Variants in TMTC2 observed in about 807,000 individuals in gnomAD.
TMTC2 encodes protein O-mannosyl-transferase TMTC2.
Under a neutral mutation model 82.4 loss-of-function variants are expected in TMTC2, and 43 were observed. The ratio of observed to expected loss-of-function variants is 0.52; its 90% CI spans 0.41 to 0.67. The LOEUF (loss-of-function observed/expected upper bound fraction) is 0.67. Among genes scored for constraint, TMTC2 ranks in the 30% least tolerant of loss-of-function variants. The pLI, the probability that TMTC2 is intolerant of heterozygous loss-of-function variation, is 0.00. For missense variants in TMTC2, 919 were observed against 1,012.4 expected (o/e 0.91, Z 1.25); for synonymous variants, 408 against 381.9 (o/e 1.07, Z -0.80).
chr12:82,932,617 TG>T (rs1406201249), intron 4 of TMTC2, among the ~76,000 whole-genome samples: 1 of 152,208 alleles, frequency 6.6e-6, no homozygotes, highest in Non-Finnish European at 1.5e-5. Context: ...ATGAGTTTAA[TG>T]TATTCACACA....
At chr12:83,026,339 T>C (rs1213837791) in intron 8 of TMTC2, among the ~76,000 whole-genome samples, 1 of 152,186 alleles carries the variant, frequency 6.6e-6, no homozygotes, top group Admixed American at 6.6e-5. Context: ...GAACTGGGGA[T>C]GAAGACCAAA....
At chr12:83,051,304 T>C (rs577068707) in intron 10 of TMTC2, among the ~76,000 whole-genome samples, 1 of 152,254 alleles carries the variant, frequency 6.6e-6, no homozygotes, top group Admixed American at 6.5e-5. Flanking sequence ...TTCTTTCTTT[T>C]TTTTTTAAGC....
chr12:83,078,277 G>C (rs972039432), intron 11 of TMTC2, among the ~76,000 whole-genome samples: 1 of 152,124 alleles, frequency 6.6e-6, no homozygotes, highest in Non-Finnish European at 1.5e-5. Context: ...AGAGGAGGCT[G>C]TCTAAAGTTT....
At chr12:83,062,935 A>G (rs1882794668) in intron 11 of TMTC2, among the ~76,000 whole-genome samples, 1 of 151,806 alleles carries the variant, frequency 6.6e-6, no homozygotes, top group African/African-American at 2.4e-5. Flanking sequence ...GTAGGGGCAA[A>G]AAAACATATC....
intron 1 of TMTC2, among the ~76,000 whole-genome samples, chr12:82,811,369 C>A (rs1445983402): frequency 5.3e-5 from 8 of 152,018 alleles, no homozygotes; most frequent in Non-Finnish European, 1.2e-4. Flanking sequence ...GAAAGATCTG[C>A]CCTTGTAGAA....
At chr12:82,728,812 C>T (rs1490627984) in intron 1 of TMTC2, among the ~76,000 whole-genome samples, 1 of 152,238 alleles carries the variant, frequency 6.6e-6, no homozygotes, top group Non-Finnish European at 1.5e-5. Context: ...GCAGTGCTTG[C>T]AGGCCAGCGC....
At chr12:82,981,261 C>T (rs1878902513) in intron 7 of TMTC2, among the ~76,000 whole-genome samples, 1 of 151,774 alleles carries the variant, frequency 6.6e-6, no homozygotes, top group Admixed American at 6.6e-5. Flanking sequence ...ATGCTCTATT[C>T]TTTATCTGCA....
At chr12:82,973,243 C>T (rs1422929926) in intron 7 of TMTC2, among the ~76,000 whole-genome samples, 2 of 152,078 alleles carry the variant, frequency 1.3e-5, no homozygotes, top group Non-Finnish European at 2.9e-5. Flanking sequence ...TGAATATGAC[C>T]ATATAACTGG....
chr12:82,980,447 C>G (rs944461090), intron 7 of TMTC2, among the ~76,000 whole-genome samples: 3 of 151,616 alleles, frequency 2.0e-5, no homozygotes, highest in Admixed American at 2.0e-4. Context: ...CATGGAGAGA[C>G]TAGAAATTAG....
chr12:82,811,494 T>G (rs1402829319), intron 1 of TMTC2, among the ~76,000 whole-genome samples: 1 of 152,018 alleles, frequency 6.6e-6, no homozygotes, highest in African/African-American at 2.4e-5. Context: ...ATGTATAAAT[T>G]CTAAGTAGTG....
chr12:83,057,047 G>A (rs970409997), intron 10 of TMTC2, among the ~76,000 whole-genome samples: 1 of 151,818 alleles, frequency 6.6e-6, no homozygotes, highest in Non-Finnish European at 1.5e-5. Flanking sequence ...TTCACCCATT[G>A]CAATTCCTTC....
In TMTC2 at chr12:82,965,638, C is replaced by T. The variant is rs557583010; in HGVS notation, c.1763C>T (p.Ser588Leu). ...GCCCGACGGACATTCTTAAAGTGTT[C>T]GGAGATCCCAGATGAAAACCTAAAG... ...EEARRTFLKC[S>L]EIPDENLKDP... Residue 588 changes from serine to leucine, a missense_variant, in exon 6 of 12, where the codon TCG (serine) becomes TTG (leucine). Transcript: ENST00000321196. The T allele has an allele frequency of 2.0e-5, 32 of 1,613,740 alleles. No homozygotes were observed. The highest frequency in any genetic ancestry group is 1.2e-4 in the Admixed American group (7 of 59,994).
chr12:82,910,770 C>A (rs1768729929), intron 3 of TMTC2, among the ~76,000 whole-genome samples: 1 of 152,160 alleles, frequency 6.6e-6, no homozygotes, highest in Non-Finnish European at 1.5e-5. Flanking sequence ...TTCTGGTATG[C>A]CCCTGTCTGT....
chr12:83,030,749 A>G (rs780123730), intron 8 of TMTC2, 49 bp from the exon 9 acceptor site: 1 of 1,410,452 alleles, frequency 7.1e-7, no homozygotes, highest in Non-Finnish European at 1.0e-6. Context: ...GGCAGTGAAG[A>G]ATCCCTCATG....
intron 8 of TMTC2, among the ~76,000 whole-genome samples, chr12:82,995,711 A>T (rs1021770082): frequency 6.6e-6 from 1 of 152,172 alleles, no homozygotes; most frequent in Non-Finnish European, 1.5e-5. Context: ...TCATCTTATG[A>T]AGAATTAAAT....
chr12:82,815,376 T>C (rs1868641811), intron 1 of TMTC2, among the ~76,000 whole-genome samples: 1 of 151,866 alleles, frequency 6.6e-6, no homozygotes, highest in Non-Finnish European at 1.5e-5. Flanking sequence ...AATGGTGCTA[T>C]CTCGGCTCAC....
chr12:82,717,852 G>A (rs1017589963), intron 1 of TMTC2, among the ~76,000 whole-genome samples: 2 of 151,974 alleles, frequency 1.3e-5, no homozygotes, highest in African/African-American at 2.4e-5. Context: ...AAATAAAGTC[G>A]CCAACAAAGT....
chr12:82,896,152 GCCCGAGCGTAGA>G lies in TMTC2; in HGVS notation c.991_1002del (p.Pro331_Asp334del), dbSNP rs770787360. ...CTCCTTGCCTACTATGGTTTGAAGA[GCCCGAGCGTAGA>G]CAGAGAATGCAATGGGAAAACTGTA... On this transcript the variant is annotated inframe_deletion, in exon 3 of 12. Coordinates refer to ENST00000321196, the MANE Select transcript of TMTC2 (RefSeq NM_152588.3). 2.5e-6 allele frequency: 4 copies of G among 1,613,958 alleles called. No individual in the cohort carries two copies. Among genetic ancestry groups the G allele is most frequent in the Non-Finnish European group, 3.4e-6 (4 of 1,180,010 alleles).
intron 3 of TMTC2, among the ~76,000 whole-genome samples, chr12:82,902,037 G>A (rs1565801620): frequency 6.6e-6 from 1 of 152,100 alleles, no homozygotes; most frequent in Non-Finnish European, 1.5e-5. Context: ...AGGCTAGAGG[G>A]GGCTGAGTTG....
Sources: allele counts gnomAD v4.1 joint callset (sites outside exome capture counted in the v4.1 genomes callset), GRCh38; gene constraint gnomAD v4.1.1; transcripts MANE v1.5; gene names NCBI Gene and HGNC (gene_info 2026-07-23, HGNC 2026-07-21).